The following ANK1 variants were observed in gnomAD, a reference collection of about 807,000 sequenced individuals.
ANK1 encodes ankyrin-1.
Under a neutral mutation model 210.4 loss-of-function variants are expected in ANK1, and 51 were observed. The ratio of observed to expected loss-of-function variants is 0.24; its 90% CI spans 0.19 to 0.31. ANK1 has a LOEUF of 0.31. Ranked by LOEUF, ANK1 falls within the 10% of genes least tolerant of loss-of-function variation. The pLI is 1.00. For synonymous variants in ANK1, 967 were observed against 1,025.9 expected (o/e 0.94, Z 1.10); for missense variants, 2,051 against 2,504.4 (o/e 0.82, Z 3.86).
intron 1 of ANK1, among the ~76,000 whole-genome samples, chr8:41,796,771 A>ATGT (rs1848812010): frequency 6.6e-6 from 1 of 151,620 alleles, no homozygotes; most frequent in Non-Finnish European, 1.5e-5. Flanking sequence ...TAAACTAAGA[A>ATGT]CCGTACCCAA....
intron 5 of ANK1, among the ~76,000 whole-genome samples, chr8:41,726,264 G>A (rs953613550): frequency 3.9e-5 from 6 of 152,062 alleles, no homozygotes; most frequent in Admixed American, 6.6e-5. Flanking sequence ...ATTCTTTGCC[G>A]GCTCTCTTTC....
chr8:41,808,037 T>C (rs1587117023), intron 1 of ANK1, among the ~76,000 whole-genome samples: 2 of 152,104 alleles, frequency 1.3e-5, no homozygotes, highest in East Asian at 3.9e-4. Context: ...TTCTGGAGAC[T>C]GTGCCTGGCC....
chr8:41,780,571 A>C (rs781574033), intron 1 of ANK1, among the ~76,000 whole-genome samples: 1 of 152,162 alleles, frequency 6.6e-6, no homozygotes. Flanking sequence ...TAAATGGGCC[A>C]ATGTGTCTCA....
chr8:41,783,672 A>G (rs1845777096), intron 1 of ANK1, among the ~76,000 whole-genome samples: 1 of 152,162 alleles, frequency 6.6e-6, no homozygotes. Context: ...GCCCTGTGCA[A>G]TGTCACCCAC....
chr8:41,744,536 C>CTTTTTT (rs3063769), intron 2 of ANK1, among the ~76,000 whole-genome samples: 5 of 125,478 alleles, frequency 4.0e-5, no homozygotes, highest in Admixed American at 8.1e-5. Context: ...GATTTCTTTT[C>CTTTTTT]TTTTTTTTTT....
chr8:41,734,612 C>T (rs1832979106), intron 2 of ANK1, among the ~76,000 whole-genome samples: 1 of 152,154 alleles, frequency 6.6e-6, no homozygotes, highest in African/African-American at 2.4e-5. Context: ...GCCCCTTTGG[C>T]CCAGTACAGT....
At chr8:41,662,086 G>A (rs1441759147) in intron 40 of ANK1, 145 bp from the exon 41 acceptor site, 2 of 1,091,480 alleles carry the variant, frequency 1.8e-6, no homozygotes, top group South Asian at 2.7e-5. Flanking sequence ...GTGAAACCCT[G>A]TCTCTACTAA....
At chr8:41,761,335 C>CACACATACACACACA (rs1840386984) in intron 1 of ANK1, among the ~76,000 whole-genome samples, 1 of 151,068 alleles carries the variant, frequency 6.6e-6, no homozygotes, top group Non-Finnish European at 1.5e-5. Context: ...ATACACACAC[C>CACACATACACACACA]TGCACACATA....
chr8:41,718,914 G>A (rs1183739057), intron 10 of ANK1, among the ~76,000 whole-genome samples: 1 of 152,176 alleles, frequency 6.6e-6, no homozygotes, highest in Non-Finnish European at 1.5e-5. Flanking sequence ...CCTGAGGCTG[G>A]GAAATCCCAA....
At chr8:41,684,471 A>C in intron 37 of ANK1, 73 bp downstream of exon 37, 1 of 1,593,204 alleles carries the variant, frequency 6.3e-7, no homozygotes, top group Admixed American at 1.7e-5. Flanking sequence ...GTATTGTGGG[A>C]AGGGGTTATT....
At chr8:41,724,368 C>T (rs1830135698) in intron 7 of ANK1, 88 bp downstream of exon 7, 2 of 1,175,406 alleles carry the variant, frequency 1.7e-6, no homozygotes, top group African/African-American at 3.0e-5. Flanking sequence ...GCACTTCTGC[C>T]ACTGGGATGA....
intron 1 of ANK1, among the ~76,000 whole-genome samples, chr8:41,866,071 G>T (rs1360481587): frequency 6.6e-6 from 1 of 152,340 alleles, no homozygotes; most frequent in South Asian, 2.1e-4. Flanking sequence ...CCCTTCAGTG[G>T]GGACGTATGG....
intron 1 of ANK1, among the ~76,000 whole-genome samples, chr8:41,768,376 C>G (rs1374729893): frequency 6.6e-6 from 1 of 152,252 alleles, no homozygotes; most frequent in Non-Finnish European, 1.5e-5. Context: ...TCCTCTCCCG[C>G]TGTCCCCTGA....
At chr8:41,719,895 T>C in intron 9 of ANK1, 37 bp from the exon 10 acceptor site, 1 of 1,608,250 alleles carries the variant, frequency 6.2e-7, no homozygotes, top group Non-Finnish European at 8.5e-7. Flanking sequence ...TCACAAAGTC[T>C]TCTGGGGACC....
intron 8 of ANK1, 72 bp from the exon 9 acceptor site, chr8:41,723,295 C>T (rs1008207703): frequency 6.7e-7 from 1 of 1,501,576 alleles, no homozygotes; most frequent in African/African-American, 1.4e-5. Flanking sequence ...AGAAGACTGC[C>T]TATGGCATCA....
intron 2 of ANK1, among the ~76,000 whole-genome samples, chr8:41,748,297 C>T (rs868789832): frequency 6.6e-6 from 1 of 152,202 alleles, no homozygotes. Flanking sequence ...TTTAGGAAGG[C>T]TTTCTGTGTG....
At position 41,715,858 on chromosome 8, in the gene ANK1, C is replaced by T; in HGVS notation, c.1405-9G>A. The stretch of plus-strand genomic sequence containing the variant: ...AGTGGGGTCTGGTCATCCTGGACCC[C>T]GAAGGGAAAACAAAGAAGAAGAAAC... On this transcript the variant is annotated splice_polypyrimidine_tract_variant and intron_variant, in intron 13 of 42. Transcript: ENST00000289734. The T allele has an allele frequency of 6.2e-7, 1 of 1,614,078 alleles. No homozygotes were observed. Among genetic ancestry groups the T allele is most frequent in the Non-Finnish European group, 8.5e-7 (1 of 1,180,002 alleles).
At chr8:41,797,636 CGT>C (rs1849026575), upstream of ANK1, 1 of 1,574,882 alleles carries the variant, frequency 6.3e-7, no homozygotes, top group Admixed American at 1.8e-5. This position sits in a 1 kb window ranked among gnomAD's most constrained non-coding sequence, Gnocchi z 4.0. Flanking sequence ...GGGCCTGTGA[CGT>C]GCGGGCCAGG....
intron 1 of ANK1, among the ~76,000 whole-genome samples, chr8:41,878,253 G>A (rs1816947628): frequency 6.6e-6 from 1 of 152,172 alleles, no homozygotes; most frequent in South Asian, 2.1e-4. Flanking sequence ...GTACCCGAAG[G>A]TTTACTCTGC....
Sources: allele counts gnomAD v4.1 joint callset (sites outside exome capture counted in the v4.1 genomes callset), GRCh38; gene constraint gnomAD v4.1.1; non-coding constraint Gnocchi (gnomAD v3.1); transcripts MANE v1.5; gene names NCBI Gene and HGNC (gene_info 2026-07-23, HGNC 2026-07-21).